Variants in PFKFB3 observed in about 807,000 individuals in gnomAD.
The protein encoded by PFKFB3 is 6-phosphofructo-2-kinase/fructose-2,6-biphosphatase 3.
In PFKFB3, 33 loss-of-function variants were observed where a neutral mutation model predicts 68.0. That is an observed-to-expected ratio of 0.49 (90% CI 0.37 to 0.65). The LOEUF (loss-of-function observed/expected upper bound fraction) is 0.65, where lower values mean the gene tolerates loss of function less well. PFKFB3 is among the 30% of genes least tolerant of loss of function. The pLI, the probability that PFKFB3 is intolerant of heterozygous loss-of-function variation, is 0.00. For synonymous variants in PFKFB3, 315 were observed against 288.2 expected (o/e 1.09, Z -0.94); for missense variants, 586 against 712.2 (o/e 0.82, Z 2.02).
chr10:6,168,256 C>T lies in PFKFB3; in HGVS notation c.16+23243C>T, dbSNP rs142671804. On this transcript the variant is annotated intron_variant, in intron 1 of 14. Coordinates refer to the PFKFB3 transcript ENST00000379789. The stretch of plus-strand genomic sequence containing the variant: ...CTCCACTTTGCTCCCACTTGCTGAG[C>T]GAGGGCCCTGGCCACCCACACTGAC... 5.6e-3 allele frequency among the ~76,000 whole-genome samples: 847 copies of T among 152,294 alleles called. 6 individuals are homozygous for T. The highest frequency in any genetic ancestry group is 0.014 in the Middle Eastern group (4 of 294).
the PFKFB3 span, among the ~76,000 whole-genome samples, chr10:6,291,273 T>C: frequency 6.6e-6 from 1 of 152,176 alleles, no homozygotes; most frequent in Non-Finnish European, 1.5e-5. Flanking sequence ...GTCAAAAGTT[T>C]ATCTTGTTCA....
the PFKFB3 span, among the ~76,000 whole-genome samples, chr10:6,316,690 C>T: frequency 6.6e-6 from 1 of 152,114 alleles, no homozygotes; most frequent in African/African-American, 2.4e-5. Flanking sequence ...GTTGGCCAGG[C>T]TGGTCTTGAA....
intron 2 of PFKFB3, among the ~76,000 whole-genome samples, chr10:6,214,502 A>C (rs184870909): frequency 5.3e-5 from 8 of 151,880 alleles, no homozygotes; most frequent in Non-Finnish European, 1.2e-4. Context: ...CATCTTGTGG[A>C]TAGGCACTGG....
intron 14 of PFKFB3, 113 bp downstream of exon 14, chr10:6,226,478 GGTGCGCGTGC>G (rs1845366353): frequency 2.0e-6 from 2 of 990,354 alleles, no homozygotes; most frequent in Admixed American, 5.3e-5. Context: ...GGTGCGTGTG[GGTGCGCGTGC>G]GTATGTTGTA....
chr10:6,273,503 A>G, the PFKFB3 span, among the ~76,000 whole-genome samples: 4 of 152,072 alleles, frequency 2.6e-5, no homozygotes, highest in Non-Finnish European at 5.9e-5. Context: ...TGTTCTGTTG[A>G]CAGTTCTGTC....
At chr10:6,242,005 CCTG>C (rs1407165593) in intron 14 of PFKFB3, among the ~76,000 whole-genome samples, 1 of 151,868 alleles carries the variant, frequency 6.6e-6, no homozygotes, top group Non-Finnish European at 1.5e-5. Context: ...ACCACCATGT[CCTG>C]CTTAATTTTT....
the PFKFB3 span, among the ~76,000 whole-genome samples, chr10:6,315,247 C>T: frequency 2.5e-4 from 38 of 152,266 alleles, no homozygotes; most frequent in Middle Eastern, 0.014. Context: ...GGCTGCCCAG[C>T]GGTGAATGCC....
At chr10:6,172,238 A>G (rs1466458159) in intron 1 of PFKFB3, among the ~76,000 whole-genome samples, 1 of 152,176 alleles carries the variant, frequency 6.6e-6, no homozygotes, top group East Asian at 1.9e-4. Context: ...TCGGGAGGGC[A>G]AGGTGTGGTG....
chr10:6,256,107 G>C (rs1195839390), downstream of PFKFB3, among the ~76,000 whole-genome samples: 1 of 152,224 alleles, frequency 6.6e-6, no homozygotes, highest in African/African-American at 2.4e-5. Context: ...CCCCATCACA[G>C]TCTGATCTCT....
At chr10:6,146,600 C>T (rs1452287597) in intron 1 of PFKFB3, 2 of 1,171,812 alleles carry the variant, frequency 1.7e-6, no homozygotes, top group Non-Finnish European at 2.4e-6. Flanking sequence ...TCTCTGACTT[C>T]ATCGCTTCTG....
At chr10:6,152,466 C>T (rs557421755) in intron 1 of PFKFB3, among the ~76,000 whole-genome samples, 2 of 152,092 alleles carry the variant, frequency 1.3e-5, no homozygotes, top group Admixed American at 6.6e-5. Flanking sequence ...GAAGGCATCA[C>T]GATAACTAGC....
At chr10:6,252,763 G>C (rs1472328790) in intron 14 of PFKFB3, among the ~76,000 whole-genome samples, 3 of 152,108 alleles carry the variant, frequency 2.0e-5, no homozygotes, top group Non-Finnish European at 2.9e-5. Flanking sequence ...TTCCATTCAT[G>C]TCTCTCTCTA....
At chr10:6,256,846 T>A (rs1846500616), downstream of PFKFB3, among the ~76,000 whole-genome samples, 1 of 152,256 alleles carries the variant, frequency 6.6e-6, no homozygotes, top group Admixed American at 6.5e-5. Context: ...AAGGGAACCG[T>A]GCGAAGGGAG....
chr10:6,189,379 T>G (rs1842965856), intron 1 of PFKFB3, among the ~76,000 whole-genome samples: 1 of 152,168 alleles, frequency 6.6e-6, no homozygotes, highest in African/African-American at 2.4e-5. Context: ...TTTTTAGAAT[T>G]TTTTAGAATA....
chr10:6,213,704 A>G lies in PFKFB3; in HGVS notation c.158A>G (p.Lys53Arg). Residue 53 changes from lysine to arginine, a missense_variant, in exon 2 of 15, where the codon AAG (lysine) becomes AGG (arginine). Physicochemically the swap from Lys to Arg is conservative, Grantham distance 26. Transcript: ENST00000379775. ...GCCCGGGGCAAGACCTACATCTCCAAGAAGCTGACTCGCTACCTCAACTGG... is the reference window on the plus strand; with the variant it reads ...GCCCGGGGCAAGACCTACATCTCCAGGAAGCTGACTCGCTACCTCAACTGG... The part of the protein sequence containing the change: ...LPARGKTYIS[K>R]KLTRYLNWIG... The G allele has an allele frequency of 6.2e-7, 1 of 1,613,688 alleles. No individual in the cohort carries two copies. The highest frequency in any genetic ancestry group is 8.5e-7 in the Non-Finnish European group (1 of 1,179,850).
the PFKFB3 span, among the ~76,000 whole-genome samples, chr10:6,325,841 C>G: frequency 6.6e-6 from 1 of 152,310 alleles, no homozygotes. Context: ...AAGAGATACA[C>G]ACGTACATCA....
the PFKFB3 span, among the ~76,000 whole-genome samples, chr10:6,301,009 C>T: frequency 7.8e-4 from 119 of 152,276 alleles, no homozygotes; most frequent in African/African-American, 2.7e-3. Context: ...CTTTCTGGTG[C>T]ACCATGGAGG....
At chr10:6,293,546 A>C in the PFKFB3 span, 1 of 195,512 alleles carries the variant, frequency 5.1e-6, no homozygotes, top group East Asian at 1.6e-4. Context: ...GGGTTTCACC[A>C]CATTGGCCAG....
chr10:6,209,934 T>A (rs1442707485), intron 1 of PFKFB3, among the ~76,000 whole-genome samples: 2 of 151,814 alleles, frequency 1.3e-5, no homozygotes, highest in Non-Finnish European at 1.5e-5. Flanking sequence ...CTGGCTAATG[T>A]TTTGTATTTT....
Sources: allele counts gnomAD v4.1 joint callset (sites outside exome capture counted in the v4.1 genomes callset), GRCh38; gene constraint gnomAD v4.1.1; transcripts MANE v1.5; gene names NCBI Gene and HGNC (gene_info 2026-07-23, HGNC 2026-07-21).